The following PTK2B variants were observed in gnomAD, a reference collection of about 807,000 sequenced individuals.
The protein encoded by PTK2B is protein-tyrosine kinase 2-beta.
In PTK2B, 71 loss-of-function variants were observed where a neutral mutation model predicts 142.9. The ratio of observed to expected loss-of-function variants is 0.50; its 90% CI spans 0.41 to 0.61. The LOEUF is 0.61. Ranked by LOEUF, PTK2B falls within the 20% of genes least tolerant of loss-of-function variation. The pLI is 0.00. For synonymous variants in PTK2B, 519 were observed against 503.4 expected (o/e 1.03, Z -0.42); for missense variants, 1,105 against 1,320.4 (o/e 0.84, Z 2.53).
In PTK2B at chr8:27,442,229, C is replaced by T. The variant is rs930085892; in HGVS notation, c.2040-646C>T. Among the ~76,000 whole-genome samples, 3 of 152,268 alleles carry T rather than the reference C, an allele frequency of 2.0e-5. No individual in the cohort carries two copies. The South Asian group carries it at 6.2e-4, about 32-fold the overall frequency. On this transcript the variant is annotated intron_variant, in intron 21 of 30. Coordinates refer to ENST00000346049, the MANE Select transcript of PTK2B (RefSeq NM_173176.3). Reference sequence around the variant, plus strand: ...TATTATACATAATAAAATATATACACACTTGAAAATATAGTATCAAGTGTC... The same window carrying T: ...TATTATACATAATAAAATATATACATACTTGAAAATATAGTATCAAGTGTC...
intron 4 of PTK2B, 71 bp downstream of exon 4, chr8:27,420,815 T>G: frequency 7.3e-7 from 1 of 1,377,198 alleles, no homozygotes; most frequent in Non-Finnish European, 1.0e-6. Context: ...AACCGTTCTC[T>G]CCTAGGGAGA....
intron 15 of PTK2B, among the ~76,000 whole-genome samples, 173 bp from the exon 16 acceptor site, chr8:27,436,949 A>G (rs1810816019): frequency 6.6e-6 from 1 of 152,044 alleles, no homozygotes; most frequent in South Asian, 2.1e-4. Context: ...GATCAAGAAG[A>G]AGGGGAGTGG....
intron 1 of PTK2B, among the ~76,000 whole-genome samples, chr8:27,329,467 C>T (rs1803611465): frequency 6.6e-6 from 1 of 152,076 alleles, no homozygotes. Flanking sequence ...AGGGAGGCTA[C>T]CCTGGGGCTA....
chr8:27,397,707 C>T lies in PTK2B; in HGVS notation c.123C>T (p.Leu41=). The change falls in exon 2 of 31, where the codon CTC becomes CTT. Residue 41 remains leucine, a synonymous_variant. Coordinates refer to ENST00000346049, the MANE Select transcript of PTK2B (RefSeq NM_173176.3). ...TGGAAAAGGAGGACGTGCGTATCCT[C>T]AAGGTCTGCTTCTATAGCAACAGCT... ...VDVEKEDVRI[L]KVCFYSNSFN... is the part of the protein sequence containing the mutation. The T allele has an allele frequency of 6.2e-7, 1 of 1,614,282 alleles. No individual in the cohort carries two copies. Among genetic ancestry groups the T allele is most frequent in the African/African-American group, 1.3e-5 (1 of 75,072 alleles).
intron 2 of PTK2B, among the ~76,000 whole-genome samples, chr8:27,417,436 G>T (rs1809469961): frequency 6.6e-6 from 1 of 151,606 alleles, no homozygotes; most frequent in South Asian, 2.1e-4. Flanking sequence ...GCGGGAGGTA[G>T]TGGGGCCATG....
At chr8:27,353,202 C>T (rs1027488363) in intron 1 of PTK2B, among the ~76,000 whole-genome samples, 3 of 152,132 alleles carry the variant, frequency 2.0e-5, no homozygotes, top group African/African-American at 4.8e-5. Context: ...AGAAGATTTA[C>T]GGTATAAGTT....
rs376904047 is a variant in PTK2B at position 27,458,372 on chromosome 8, G to A, written c.2893G>A (p.Val965Met). 44 of 1,613,632 alleles carry A rather than the reference G, an allele frequency of 2.7e-5. No individual in the cohort carries two copies. The highest frequency in any genetic ancestry group is 1.7e-4 in the Admixed American group (10 of 59,948). Residue 965 changes from valine to methionine, a missense_variant, in exon 31 of 31, where the codon GTG becomes ATG. By Grantham distance (21) the Val-to-Met change is conservative. Transcript: ENST00000346049. ...GATGCGGCTGGCACAGCAGAACGCC[G>A]TGACCTCCCTAAGTGAGGAGTGCAA... is the stretch of plus-strand genomic sequence containing the variant. ...NKMRLAQQNA[V>M]TSLSEECKRQ...
intron 3 of PTK2B, among the ~76,000 whole-genome samples, chr8:27,315,425 A>G (rs1419038606): frequency 6.6e-6 from 1 of 152,122 alleles, no homozygotes; most frequent in Non-Finnish European, 1.5e-5. Flanking sequence ...CTTAGAGGCA[A>G]TATCCAAAAA....
intron 1 of PTK2B, among the ~76,000 whole-genome samples, chr8:27,382,665 T>C (rs1336413718): frequency 6.6e-6 from 1 of 152,222 alleles, no homozygotes; most frequent in Non-Finnish European, 1.5e-5. Context: ...TTTACCCTGC[T>C]TTCTTCTAGT....
chr8:27,338,121 G>A (rs1804186433), intron 1 of PTK2B, among the ~76,000 whole-genome samples: 1 of 152,124 alleles, frequency 6.6e-6, no homozygotes, highest in Admixed American at 6.5e-5. Context: ...AATTAATGAT[G>A]GTGAACATCT....
In PTK2B at chr8:27,398,032, G is replaced by T. The variant is rs17057100; in HGVS notation, c.204+244G>T. On this transcript the variant is annotated intron_variant, in intron 2 of 30. Coordinates refer to ENST00000346049, the MANE Select transcript of PTK2B (RefSeq NM_173176.3). ...CCTTTGCTTGAACCCCAGATAATTT[G>T]TTTGGCCTCTGATTCAATTCATTTC... is the stretch of plus-strand genomic sequence containing the variant. Among the ~76,000 whole-genome samples the T allele has an allele frequency of 2.9e-3, 444 of 152,322 alleles. 3 individuals carry two copies. The highest frequency in any genetic ancestry group is 0.01 in the African/African-American group (423 of 41,576).
chr8:27,457,687 G>A (rs35470114), intron 30 of PTK2B, among the ~76,000 whole-genome samples: 1 of 152,170 alleles, frequency 6.6e-6, no homozygotes, highest in African/African-American at 2.4e-5. Flanking sequence ...CAAGCCTTCA[G>A]TGGATGGCTG....
intron 1 of PTK2B, among the ~76,000 whole-genome samples, chr8:27,371,305 G>T (rs539411552): frequency 6.6e-6 from 1 of 152,130 alleles, no homozygotes; most frequent in East Asian, 1.9e-4. Context: ...CATTCTTGCC[G>T]GCTGAGAGAG....
At chr8:27,334,601 T>C (rs1219321346) in intron 1 of PTK2B, among the ~76,000 whole-genome samples, 2 of 152,212 alleles carry the variant, frequency 1.3e-5, no homozygotes, top group Admixed American at 6.5e-5. Context: ...AGATGCCTTT[T>C]ATTTTGTTCT....
chr8:27,328,507 T>C (rs568047270), intron 1 of PTK2B, among the ~76,000 whole-genome samples: 7 of 152,296 alleles, frequency 4.6e-5, no homozygotes, highest in African/African-American at 1.4e-4. Flanking sequence ...AAATGGTCCT[T>C]CTTTCCAGTG....
At chr8:27,404,305 G>A (rs1016097497) in intron 2 of PTK2B, among the ~76,000 whole-genome samples, 1 of 152,194 alleles carries the variant, frequency 6.6e-6, no homozygotes, top group Non-Finnish European at 1.5e-5. Context: ...AAGACATTGA[G>A]CAGAAGCAGA....
chr8:27,328,639 C>T (rs1030254241), intron 1 of PTK2B, among the ~76,000 whole-genome samples: 2 of 152,128 alleles, frequency 1.3e-5, no homozygotes, highest in African/African-American at 2.4e-5. Flanking sequence ...ACTGATGAAA[C>T]GTTCAAATGA....
At chr8:27,311,073 G>A (rs1460788251), upstream of PTK2B, 1 of 1,596,448 alleles carries the variant, frequency 6.3e-7, no homozygotes, top group East Asian at 2.3e-5. Context: ...GGGCAGGTGG[G>A]CGACACCTGC....
intron 2 of PTK2B, among the ~76,000 whole-genome samples, chr8:27,399,766 G>A (rs918961791): frequency 1.3e-5 from 2 of 152,200 alleles, no homozygotes; most frequent in African/African-American, 4.8e-5. Flanking sequence ...GTCTCCTGCA[G>A]GCAAAATGCC....
Sources: gnomAD v4.1 joint callset for allele counts (sites outside exome capture counted in the v4.1 genomes callset) on GRCh38, gnomAD v4.1.1 for gene constraint, MANE v1.5 for transcripts, NCBI Gene and HGNC (gene_info 2026-07-23, HGNC 2026-07-21) for gene names.